MED13: variants seen among roughly 807,000 people sequenced by gnomAD.
MED13 encodes mediator of RNA polymerase II transcription subunit 13.
In MED13, 23 loss-of-function variants were observed where a neutral mutation model predicts 225.2. The ratio of observed to expected loss-of-function variants is 0.10; its 90% CI spans 0.07 to 0.14. MED13 has a LOEUF of 0.14. Ranked by LOEUF, MED13 falls within the 10% of genes least tolerant of loss-of-function variation. The probability of loss-of-function intolerance (pLI) is 1.00; values close to 1 mark genes in which losing one functional copy is unlikely to be tolerated. For synonymous variants in MED13, 942 were observed against 889.2 expected, an observed-to-expected ratio of 1.06 and a Z score of -1.06; for missense variants, 2,197 against 2,594.5, an observed-to-expected ratio of 0.85 and a Z score of 3.33.
chr17:61,956,672 T>C (rs774467075), intron 23 of MED13, among the ~76,000 whole-genome samples, 191 bp from the exon 24 acceptor site: 1 of 152,040 alleles, frequency 6.6e-6, no homozygotes, highest in African/African-American at 2.4e-5. Flanking sequence ...CATGAATAGC[T>C]ACAACTACAG....
At chr17:62,024,684 C>T (rs1399256434) in intron 8 of MED13, among the ~76,000 whole-genome samples, 3 of 152,156 alleles carry the variant, frequency 2.0e-5, no homozygotes, top group African/African-American at 4.8e-5. Context: ...CTGCTCCTCT[C>T]CCTCCTCCCA....
At chr17:62,031,037 C>G (rs2080750492) in intron 6 of MED13, 1 of 153,266 alleles carries the variant, frequency 6.5e-6, no homozygotes, top group African/African-American at 2.4e-5. Flanking sequence ...AAAATAAAAG[C>G]ACGCTACTTT....
chr17:62,000,824 G>A (rs1246826577), intron 9 of MED13, among the ~76,000 whole-genome samples: 12 of 152,086 alleles, frequency 7.9e-5, no homozygotes, highest in Admixed American at 7.9e-4. Context: ...GTGCAGTGGC[G>A]TGGTCTTGGC....
At chr17:62,013,159 CA>C (rs915462669) in intron 8 of MED13, among the ~76,000 whole-genome samples, 4 of 151,236 alleles carry the variant, frequency 2.6e-5, no homozygotes, top group East Asian at 1.9e-4. Flanking sequence ...CCAAAGTTAT[CA>C]AAAAAAACCA....
intron 9 of MED13, among the ~76,000 whole-genome samples, chr17:61,999,739 T>C (rs1308370176): frequency 6.6e-6 from 1 of 152,114 alleles, no homozygotes; most frequent in African/African-American, 2.4e-5. Flanking sequence ...TAGGTAGCCA[T>C]CACCACCTGA....
chr17:61,969,304 A>G (rs1394884598), intron 17 of MED13, among the ~76,000 whole-genome samples: 1 of 152,068 alleles, frequency 6.6e-6, no homozygotes, highest in Non-Finnish European at 1.5e-5. Context: ...GTGAGCTGAG[A>G]TTGCACCAGT....
chr17:62,012,108 C>T (rs1010907368), intron 8 of MED13, among the ~76,000 whole-genome samples: 5 of 151,056 alleles, frequency 3.3e-5, no homozygotes, highest in African/African-American at 9.7e-5. Context: ...CCCACCTACT[C>T]GAGAGGCTGA....
intron 16 of MED13, among the ~76,000 whole-genome samples, chr17:61,980,022 C>T (rs1344639529): frequency 6.6e-6 from 1 of 152,068 alleles, no homozygotes; most frequent in Non-Finnish European, 1.5e-5. Context: ...AACCTCGTCT[C>T]TACTAAAATA....
At chr17:61,977,289 G>C (rs1342017903) in intron 16 of MED13, among the ~76,000 whole-genome samples, 1 of 152,160 alleles carries the variant, frequency 6.6e-6, no homozygotes, top group Non-Finnish European at 1.5e-5. Context: ...GATGATATCT[G>C]ACAAGATTTA....
chr17:61,963,591 C>T lies in MED13; in HGVS notation c.4845-620G>A, dbSNP rs376651094. ...AAAGTGCTAGGATTACAGGCATGAG[C>T]CACTTCACCTGGTCCCATTTTTAGA... On this transcript the variant is annotated intron_variant, in intron 20 of 29. Coordinates refer to ENST00000397786, the MANE Select transcript of MED13 (RefSeq NM_005121.3). Among the ~76,000 whole-genome samples, 21 of 152,260 alleles carry T rather than the reference C, an allele frequency of 1.4e-4. No homozygotes were observed. The East Asian group carries it at 1.5e-3, about 11-fold the overall frequency.
At chr17:61,964,190 G>GT (rs2080033161) in intron 20 of MED13, among the ~76,000 whole-genome samples, 1 of 152,158 alleles carries the variant, frequency 6.6e-6, no homozygotes, top group South Asian at 2.1e-4. Flanking sequence ...GGACTATATG[G>GT]TTTTCAAGCT....
intron 14 of MED13, 90 bp from the exon 15 acceptor site, chr17:61,984,457 C>A: frequency 9.5e-7 from 1 of 1,054,620 alleles, no homozygotes; most frequent in South Asian, 1.9e-5. Flanking sequence ...TTTTTCCTTT[C>A]TTTAAACAGA....
intron 26 of MED13, among the ~76,000 whole-genome samples, chr17:61,953,513 A>G (rs72843765): frequency 0.01 from 1,546 of 152,282 alleles, 13 homozygotes; most frequent in South Asian, 0.026. Flanking sequence ...AGATGTGATG[A>G]CACTATACTG....
chr17:62,000,473 G>A (rs2080384866), intron 9 of MED13, among the ~76,000 whole-genome samples: 1 of 152,172 alleles, frequency 6.6e-6, no homozygotes, highest in Non-Finnish European at 1.5e-5. Flanking sequence ...CATGTACATA[G>A]CTAAAGTCAT....
chr17:61,952,040 G>C (rs1454728447), intron 27 of MED13, among the ~76,000 whole-genome samples: 2 of 152,070 alleles, frequency 1.3e-5, no homozygotes, highest in African/African-American at 4.8e-5. Flanking sequence ...TGGGAGTACA[G>C]ACGCCTGCCA....
intron 9 of MED13, chr17:62,010,335 T>A (rs1442013980): frequency 2.6e-6 from 1 of 387,472 alleles, no homozygotes; most frequent in Admixed American, 4.4e-5. Flanking sequence ...TACAAGTGTT[T>A]ACACATTATT....
rs1325793183 is a variant in MED13, at chr17:62,031,637, AGCTG to A, written c.815-3_815del. 6.5e-6 allele frequency: 10 copies of A among 1,539,638 alleles called. No individual in the cohort carries two copies. In the Admixed American group the frequency reaches 1.0e-4, roughly 16 times the overall value. On this transcript the variant is annotated splice_acceptor_variant and splice_polypyrimidine_tract_variant and coding_sequence_variant and intron_variant, in exon 6 of 30. Transcript: ENST00000397786. LOFTEE classifies it high-confidence loss of function. ...ATGCTGGGTAGATCATTCGGACACC[AGCTG>A]AAAGGAAAAAAATGGGACAGGAAAA...
chr17:61,996,485 T>C, intron 9 of MED13, among the ~76,000 whole-genome samples: 1 of 152,152 alleles, frequency 6.6e-6, no homozygotes, highest in East Asian at 1.9e-4. Context: ...TCTTCTCCTC[T>C]TCATCTTTTA....
chr17:62,003,621 A>AAAAAAAAAAAAC (rs10679175), intron 9 of MED13: 1 of 144,542 alleles, frequency 6.9e-6, no homozygotes, highest in African/African-American at 2.6e-5. Context: ...AAAAAAAAAA[A>AAAAAAAAAAAAC]GCAAAAAGTG....
Sources: gnomAD v4.1 joint callset for allele counts (sites outside exome capture counted in the v4.1 genomes callset) on GRCh38, gnomAD v4.1.1 for gene constraint, MANE v1.5 for transcripts, NCBI Gene and HGNC (gene_info 2026-07-23, HGNC 2026-07-21) for gene names.